OR13A1: variants seen among roughly 807,000 people sequenced by gnomAD.
OR13A1 encodes the protein olfactory receptor family 13 subfamily A member 1.
OR13A1 carries 10 observed loss-of-function variants against 7.5 expected under a neutral mutation model. The ratio of observed to expected loss-of-function variants is 1.34; its 90% CI spans 0.83 to 2.27. The LOEUF (loss-of-function observed/expected upper bound fraction) is 2.27, where lower values mean the gene tolerates loss of function less well. Ranked by LOEUF, OR13A1 falls within the 30% of genes most tolerant of loss-of-function variation. The pLI, the probability that OR13A1 is intolerant of heterozygous loss-of-function variation, is 0.00. For missense variants in OR13A1, 509 were observed against 419.1 expected, an observed-to-expected ratio of 1.21 and a Z score of -1.87; for synonymous variants, 238 against 177.9, an observed-to-expected ratio of 1.34 and a Z score of -2.69.
At chr10:45,310,556 T>A (rs958589916) in intron 1 of OR13A1, among the ~76,000 whole-genome samples, 1 of 152,222 alleles carries the variant, frequency 6.6e-6, no homozygotes, top group Admixed American at 6.5e-5. Flanking sequence ...TTGCTTCACC[T>A]AGCTGCCAGG....
At chr10:45,305,636 C>T (rs1336116063) in intron 3 of OR13A1, among the ~76,000 whole-genome samples, 1 of 152,228 alleles carries the variant, frequency 6.6e-6, no homozygotes, top group African/African-American at 2.4e-5. Context: ...CCTCTCCAGC[C>T]TTTCTTCCCA....
At chr10:45,313,981 A>G (rs1838483967) in intron 1 of OR13A1, among the ~76,000 whole-genome samples, 2 of 152,358 alleles carry the variant, frequency 1.3e-5, no homozygotes, top group Non-Finnish European at 2.9e-5. Context: ...TACATGGAAT[A>G]TTCCCAAAGA....
intron 3 of OR13A1, 78 bp from the exon 4 acceptor site, chr10:45,304,512 A>G (rs1838289050): frequency 1.7e-6 from 2 of 1,198,706 alleles, no homozygotes; most frequent in Non-Finnish European, 2.4e-6. Flanking sequence ...TGCATGAAAG[A>G]TAGAGATGCA....
In OR13A1 at chr10:45,304,068, G is replaced by A. The variant is rs772294933; in HGVS notation, c.355C>T (p.Leu119Phe). The change falls in exon 4 of 4, where the codon CTC (leucine) becomes TTC (phenylalanine). Residue 119 changes from leucine to phenylalanine, a missense_variant. Leu to Phe is a conservative substitution (Grantham distance 22, BLOSUM62 0). Coordinates refer to ENST00000553795, the MANE Select transcript of OR13A1 (RefSeq NM_001004297.3). The stretch of plus-strand genomic sequence containing the variant: ...GATGCAGCCCACGTGAGGAAATAGA[G>A]CTGGGCCATGCAGCCCCCGTAGGAG... ...SISYGGCMAQ[L>F]YFLTWAASSE... The A allele has an allele frequency of 3.7e-6, 6 of 1,613,852 alleles. No individual in the cohort carries two copies. Among genetic ancestry groups the A allele is most frequent in the East Asian group, 2.2e-5 (1 of 44,878 alleles).
intron 1 of OR13A1, among the ~76,000 whole-genome samples, chr10:45,314,461 G>A (rs1017189551): frequency 6.7e-5 from 10 of 149,614 alleles, no homozygotes; most frequent in South Asian, 2.1e-4. Flanking sequence ...AAAAGAAGTA[G>A]AAGAAAGTTT....
In OR13A1 at chr10:45,304,413, A is replaced by G. The variant is rs1014965217; in HGVS notation, c.10T>C (p.Trp4Arg). 4 of 1,611,884 alleles carry G rather than the reference A, an allele frequency of 2.5e-6. No homozygotes were observed. In the African/African-American group the frequency reaches 5.3e-5, roughly 22 times the overall value. MKL[W>R]MESHLIVPET... ...GGGACTATCAGGTGACTCTCCATCC[A>G]CAGCTTCATGTGATTTCAGAGCTAG... The change falls in exon 4 of 4, where the codon TGG becomes CGG. Residue 4 changes from tryptophan (W) to arginine (R), a missense_variant. Transcript: ENST00000553795.
intron 1 of OR13A1, among the ~76,000 whole-genome samples, chr10:45,310,746 G>A (rs183568530): frequency 5.3e-5 from 8 of 152,072 alleles, no homozygotes; most frequent in African/African-American, 1.7e-4. Flanking sequence ...ACTGAGATTC[G>A]AGGAAGAAAA....
intron 3 of OR13A1, among the ~76,000 whole-genome samples, chr10:45,305,123 T>C (rs1370312373): frequency 6.6e-6 from 1 of 151,982 alleles, no homozygotes; most frequent in East Asian, 1.9e-4. Context: ...TAATCCCAGC[T>C]ACTTGGAAGG....
In OR13A1 at chr10:45,312,681, A is replaced by T. The variant is rs55943749; in HGVS notation, c.-225+2843T>A. On this transcript the variant is annotated intron_variant, in intron 1 of 3. Transcript: ENST00000553795. ...AATCTTGAAAGCAGCAAAAGAAAGT[A>T]ACTTGTCATGTAAAAGGAAGCCTTT... 5.1e-3 allele frequency among the ~76,000 whole-genome samples: 775 copies of T among 152,272 alleles called. 7 individuals are homozygous for T. Among genetic ancestry groups the T allele is most frequent in the African/African-American group, 0.018 (739 of 41,586 alleles).
chr10:45,313,915 C>G (rs968776063), intron 1 of OR13A1, among the ~76,000 whole-genome samples: 1 of 151,862 alleles, frequency 6.6e-6, no homozygotes, highest in Non-Finnish European at 1.5e-5. Context: ...ATAGTGCTAA[C>G]AAACATGTGC....
rs1838242936 is a variant in OR13A1, at chr10:45,303,211, C to A, written c.*225G>T. The A allele has an allele frequency of 5.6e-6, 3 of 537,008 alleles. No homozygotes were observed. The highest frequency in any genetic ancestry group is 3.3e-6 in the Non-Finnish European group (1 of 305,632). 33.3% of individuals were successfully genotyped at this position (537,008 alleles called of 1,614,324 possible). A position where few individuals can be genotyped will look rare whatever the true frequency, so the allele number is the denominator to read the frequency against. The stretch of plus-strand genomic sequence containing the variant: ...CTCTGCCAACTCAGCACTGACACCA[C>A]CTTGGAGTCAGACCAAGAGATCTGG... On this transcript the variant is annotated 3_prime_UTR_variant, in exon 4 of 4. Coordinates refer to ENST00000553795, the MANE Select transcript of OR13A1 (RefSeq NM_001004297.3).
chr10:45,303,954 C>T lies in OR13A1; in HGVS notation c.469G>A (p.Val157Met). The part of the protein sequence containing the change: ...PLHYSSMMSK[V>M]FCSGLATAVW... ...GCTGTGGCCAGCCCGCTGCAGAACACCTTGCTCATCATGCTGCTGTAATGC... is the reference window on the plus strand; with the variant it reads ...GCTGTGGCCAGCCCGCTGCAGAACATCTTGCTCATCATGCTGCTGTAATGC... The change falls in exon 4 of 4, where the codon GTG becomes ATG. Residue 157 changes from valine (V) to methionine (M), a missense_variant. Transcript: ENST00000553795. 6.8e-6 allele frequency: 11 copies of T among 1,613,768 alleles called. No individual in the cohort carries two copies. The highest frequency in any genetic ancestry group is 8.5e-6 in the Non-Finnish European group (10 of 1,179,960).
Position 45,303,350 on chromosome 10 carries a change from T to C in OR13A1, c.*86A>G, listed in dbSNP as rs1312546035. Reference sequence around the variant, plus strand: ...GTTCTGCTGGGTTAGAAAAAACAAGTCTATTTACCTCCCAGTCCAGAAACT... The same window carrying C: ...GTTCTGCTGGGTTAGAAAAAACAAGCCTATTTACCTCCCAGTCCAGAAACT... On this transcript the variant is annotated 3_prime_UTR_variant, in exon 4 of 4. Transcript: ENST00000553795. 7.2e-6 allele frequency: 10 copies of C among 1,383,844 alleles called. No individual in the cohort carries two copies. Among genetic ancestry groups the C allele is most frequent in the Non-Finnish European group, 9.9e-6 (10 of 1,014,910 alleles). 85.7% of individuals were successfully genotyped at this position (1,383,844 alleles called of 1,614,324 possible). A position where few individuals can be genotyped will look rare whatever the true frequency, so the allele number is the denominator to read the frequency against.
chr10:45,309,984 A>G (rs976883943), intron 1 of OR13A1, among the ~76,000 whole-genome samples: 17 of 152,224 alleles, frequency 1.1e-4, no homozygotes, highest in African/African-American at 3.9e-4. Context: ...GGGACTAAAT[A>G]AGATGACGTA....
chr10:45,313,428 T>A (rs1475982536), intron 1 of OR13A1, among the ~76,000 whole-genome samples: 3 of 151,980 alleles, frequency 2.0e-5, no homozygotes, highest in Non-Finnish European at 4.4e-5. Context: ...TGTAGGTCCT[T>A]CCCTATCAGT....
Position 45,304,128 on chromosome 10 carries a change from C to T in OR13A1, c.295G>A (p.Ala99Thr). Residue 99 changes from alanine (A) to threonine (T), a missense_variant, in exon 4 of 4, where the codon GCG (alanine) becomes ACG (threonine). Ala to Thr is a moderately conservative substitution (Grantham distance 58). Transcript: ENST00000553795. ...IICTSSIMPKALASLVSEESS... is the reference protein window; with the variant it reads ...IICTSSIMPKTLASLVSEESS... ...TCTTCCGACACCAGACTGGCCAGCG[C>T]CTTGGGCATGATGGAAGAGGTGCAG... is the stretch of plus-strand genomic sequence containing the variant. 6.2e-7 allele frequency: 1 copy of T among 1,614,156 alleles called. No homozygotes were observed. The highest frequency in any genetic ancestry group is 8.5e-7 in the Non-Finnish European group (1 of 1,180,026).
chr10:45,307,622 T>C (rs749554745), intron 2 of OR13A1, 55 bp from the exon 3 acceptor site: 3 of 152,210 alleles, frequency 2.0e-5, no homozygotes, highest in African/African-American at 2.4e-5. Flanking sequence ...TTTGCTTCAA[T>C]TCTCAGCCAG....
intron 3 of OR13A1, among the ~76,000 whole-genome samples, chr10:45,305,332 A>C (rs1838306540): frequency 6.7e-6 from 1 of 150,256 alleles, no homozygotes; most frequent in African/African-American, 2.4e-5. Flanking sequence ...TTAAAAAAGC[A>C]GATTTGTTTC....
intron 1 of OR13A1, among the ~76,000 whole-genome samples, chr10:45,313,250 A>C (rs1354399063): frequency 6.6e-6 from 1 of 152,084 alleles, no homozygotes; most frequent in African/African-American, 2.4e-5. Context: ...TGTTTTTTAT[A>C]ATTCTTATGG....
Sources: gnomAD v4.1 joint callset for allele counts (sites outside exome capture counted in the v4.1 genomes callset) on GRCh38, gnomAD v4.1.1 for gene constraint, MANE v1.5 for transcripts, NCBI Gene and HGNC (gene_info 2026-07-23, HGNC 2026-07-21) for gene names.